Variants in GLYR1 observed in about 807,000 individuals in gnomAD.
GLYR1 encodes cytokine-like nuclear factor N-PAC.
A neutral mutation model predicts 72.7 loss-of-function variants in GLYR1; 21 were observed. The ratio of observed to expected loss-of-function variants is 0.29; its 90% confidence interval spans 0.20 to 0.42. GLYR1 has a LOEUF of 0.42. GLYR1 is among the 10% of genes least tolerant of loss of function. The pLI, the probability that GLYR1 is intolerant of heterozygous loss-of-function variation, is 1.00. For missense variants in GLYR1, 594 were observed against 712.1 expected, an observed-to-expected ratio of 0.83 and a Z score of 1.89; for synonymous variants, 392 against 270.2, an observed-to-expected ratio of 1.45 and a Z score of -4.42.
intron 6 of GLYR1, 78 bp downstream of exon 6, chr16:4,823,742 CA>C (rs34966439): frequency 0.15 from 113,700 of 746,232 alleles, 21 homozygotes; most frequent in East Asian, 0.23. Flanking sequence ...AAGAAAGGGA[CA>C]AAAAAAAAAA....
intron 3 of GLYR1, among the ~76,000 whole-genome samples, chr16:4,834,790 T>C (rs931567614): frequency 2.0e-5 from 3 of 152,122 alleles, no homozygotes; most frequent in African/African-American, 4.8e-5. Flanking sequence ...ATCTTAAAGT[T>C]TGAAATTCAA....
At chr16:4,833,119 C>G (rs2084901032) in intron 3 of GLYR1, 2 of 425,016 alleles carry the variant, frequency 4.7e-6, no homozygotes, top group African/African-American at 4.1e-5. Flanking sequence ...AGCAGAACAA[C>G]CATCACCACC....
intron 2 of GLYR1, 129 bp from the exon 3 acceptor site, chr16:4,845,282 A>G (rs2085922522): frequency 3.2e-6 from 2 of 634,230 alleles, no homozygotes; most frequent in Non-Finnish European, 5.6e-6. Flanking sequence ...TTACAAATAA[A>G]TTTATTTATA....
intron 7 of GLYR1, 146 bp downstream of exon 7, chr16:4,822,729 G>A (rs978646812): frequency 1.5e-5 from 10 of 675,774 alleles, no homozygotes; most frequent in East Asian, 2.5e-5. Context: ...GCTCATTAGC[G>A]GGCCCATATG....
chr16:4,840,352 A>G (rs2085459138), intron 3 of GLYR1: 1 of 152,174 alleles, frequency 6.6e-6, no homozygotes, highest in Non-Finnish European at 1.5e-5. Context: ...GCCAATTCTA[A>G]GAGATCCCTT....
Position 4,832,199 on chromosome 16 carries a change from T to C in GLYR1, c.317A>G (p.Asp106Gly). Reference protein sequence around the residue: ...KDQTSSHNSSDDKNRRNSSEE... With the variant: ...KDQTSSHNSSGDKNRRNSSEE... ...ACTGGAATTACGTCGATTCTTGTCA[T>C]CAGAAGAATTGTGGGATGACGTCTG... is the stretch of plus-strand genomic sequence containing the variant. The change falls in exon 5 of 16, where the codon GAT becomes GGT. Residue 106 changes from aspartate (D) to glycine (G), a missense_variant. Asp to Gly is a moderately conservative substitution (Grantham distance 94). This residue lies in a region of GLYR1 where 252 missense variants were observed against 211.3 expected (regional missense o/e 1.19). Transcript: ENST00000321919. The C allele has an allele frequency of 6.2e-7, 1 of 1,614,138 alleles. No individual in the cohort carries two copies. The highest frequency in any genetic ancestry group is 1.1e-5 in the South Asian group (1 of 91,076).
intron 3 of GLYR1, among the ~76,000 whole-genome samples, chr16:4,835,167 G>C (rs1261095904): frequency 1.3e-5 from 2 of 152,038 alleles, no homozygotes; most frequent in Admixed American, 6.6e-5. Flanking sequence ...TCCGAGACTT[G>C]CTAATCCCAC....
intron 9 of GLYR1, among the ~76,000 whole-genome samples, chr16:4,818,641 A>G (rs1445822269): frequency 1.3e-5 from 2 of 152,208 alleles, no homozygotes. Flanking sequence ...CACTGTGTTT[A>G]GAGCCAGGCA....
intron 3 of GLYR1, among the ~76,000 whole-genome samples, chr16:4,842,127 C>T (rs1455467655): frequency 2.0e-5 from 3 of 152,050 alleles, no homozygotes; most frequent in Non-Finnish European, 4.4e-5. Flanking sequence ...GCCTGTAGTC[C>T]CAGCTACTCG....
chr16:4,808,227 C>G (rs1450608131), intron 15 of GLYR1, among the ~76,000 whole-genome samples: 1 of 120,276 alleles, frequency 8.3e-6, no homozygotes, highest in Non-Finnish European at 1.6e-5. Context: ...CAGAGTGAGA[C>G]TCTGTCTCAA....
chr16:4,813,679 TG>T, intron 12 of GLYR1, 57 bp downstream of exon 12: 1 of 1,433,396 alleles, frequency 7.0e-7, no homozygotes, highest in Non-Finnish European at 9.6e-7. Flanking sequence ...CTTGTAAGCC[TG>T]GGTCTTGGGC....
At position 4,840,778 on chromosome 16, in the gene GLYR1, G is replaced by A. The variant is rs565672350; in HGVS notation, c.155+4296C>T. On this transcript the variant is annotated intron_variant, in intron 3 of 15. Coordinates refer to ENST00000321919, the MANE Select transcript of GLYR1 (RefSeq NM_032569.4). Reference sequence around the variant, plus strand: ...CCAAATCAGGGAGCAAGGTGGAACCGGTACCTGAATGCACATTAGGCTGGT... The same window carrying A: ...CCAAATCAGGGAGCAAGGTGGAACCAGTACCTGAATGCACATTAGGCTGGT... Among the ~76,000 whole-genome samples, 4 of 152,276 alleles carry A rather than the reference G, an allele frequency of 2.6e-5. No individual in the cohort carries two copies. The South Asian group carries it at 6.2e-4, about 24-fold the overall frequency.
At chr16:4,820,333 T>C (rs1236568364) in intron 9 of GLYR1, among the ~76,000 whole-genome samples, 2 of 152,172 alleles carry the variant, frequency 1.3e-5, no homozygotes, top group Non-Finnish European at 2.9e-5. Context: ...TCCTTCACAC[T>C]GTGTCTCAGA....
At chr16:4,817,772 G>C in intron 9 of GLYR1, 75 bp from the exon 10 acceptor site, 1 of 931,500 alleles carries the variant, frequency 1.1e-6, no homozygotes, top group Non-Finnish European at 1.8e-6. Flanking sequence ...TGCAGCACAA[G>C]GCTCGCTCCC....
At chr16:4,845,367 A>C (rs1245567846) in intron 2 of GLYR1, among the ~76,000 whole-genome samples, 2 of 152,324 alleles carry the variant, frequency 1.3e-5, no homozygotes, top group East Asian at 1.9e-4. Context: ...AAATGTGTAG[A>C]TATTCTAGAA....
Position 4,823,680 on chromosome 16 carries a change from T to A in GLYR1, c.624+141A>T, listed in dbSNP as rs1180713507. On this transcript the variant is annotated intron_variant, in intron 6 of 15. Transcript: ENST00000321919. ...CCCTAGAGGGAAATTTTTAATTTTT[T>A]ATTTCATAGACTTCTGTACTGTTTT... The A allele has an allele frequency of 5.4e-6, 4 of 739,226 alleles. No individual in the cohort carries two copies. In the South Asian group the frequency reaches 7.2e-5, roughly 13 times the overall value. 45.8% of individuals were successfully genotyped at this position (739,226 alleles called of 1,614,324 possible). A position where few individuals can be genotyped will look rare whatever the true frequency, so the allele number is the denominator to read the frequency against.
chr16:4,832,455 G>T, intron 4 of GLYR1: 1 of 601,830 alleles, frequency 1.7e-6, no homozygotes, highest in Non-Finnish European at 2.9e-6. Flanking sequence ...TTAAATCTAG[G>T]CAGTATATGT....
At chr16:4,827,657 T>C (rs1019858949) in intron 5 of GLYR1, among the ~76,000 whole-genome samples, 3 of 151,888 alleles carry the variant, frequency 2.0e-5, no homozygotes, top group Non-Finnish European at 4.4e-5. Flanking sequence ...TCCCAGCACT[T>C]TGGGAGGCCG....
intron 12 of GLYR1, 36 bp from the exon 13 acceptor site, chr16:4,812,284 C>G: frequency 6.3e-7 from 1 of 1,595,606 alleles, no homozygotes; most frequent in Non-Finnish European, 8.5e-7. Context: ...GAGGCCTCCC[C>G]TCTCCCAGCG....
Sources: allele counts gnomAD v4.1 joint callset (sites outside exome capture counted in the v4.1 genomes callset), GRCh38; gene constraint gnomAD v4.1.1; regional missense constraint gnomAD v4.1.1; transcripts MANE v1.5; gene names NCBI Gene and HGNC (gene_info 2026-07-23, HGNC 2026-07-21).